Variants in XKR4 observed in about 807,000 individuals in gnomAD.
The protein encoded by XKR4 is XK related 4.
In XKR4, 12 loss-of-function variants were observed where a neutral mutation model predicts 53.9. That is an observed-to-expected ratio of 0.22 (90% CI 0.14 to 0.36). The LOEUF (loss-of-function observed/expected upper bound fraction) is 0.36. Ranked by LOEUF, XKR4 falls within the 10% of genes least tolerant of loss-of-function variation. The pLI is 1.00. For synonymous variants in XKR4, 354 were observed against 362.4 expected (o/e 0.98, Z 0.26); for missense variants, 799 against 859.5 (o/e 0.93, Z 0.88).
At chr8:55,353,180 C>T (rs1029916207) in intron 1 of XKR4, among the ~76,000 whole-genome samples, 21 of 152,166 alleles carry the variant, frequency 1.4e-4, no homozygotes, top group South Asian at 4.1e-4. Flanking sequence ...AGGGTTGAAT[C>T]GTGTCCTCCC....
chr8:55,382,725 G>A (rs1435599410), intron 2 of XKR4, among the ~76,000 whole-genome samples: 1 of 152,208 alleles, frequency 6.6e-6, no homozygotes. Context: ...ATATTCTGGA[G>A]AGTAGTTCCA....
intron 2 of XKR4, among the ~76,000 whole-genome samples, chr8:55,425,771 G>A (rs969089402): frequency 1.3e-5 from 2 of 152,100 alleles, no homozygotes; most frequent in African/African-American, 4.8e-5. Flanking sequence ...CCACTTCCTG[G>A]TGTGGGCCTC....
At chr8:55,130,275 G>T (rs573786616) in intron 1 of XKR4, among the ~76,000 whole-genome samples, 1 of 152,306 alleles carries the variant, frequency 6.6e-6, no homozygotes. Flanking sequence ...AAGAGAACAG[G>T]GAGAAGGGTT....
At position 55,485,387 on chromosome 8, in the gene XKR4, A is replaced by G. The variant is rs555176353; in HGVS notation, c.1007-37894A>G. 9.1e-4 allele frequency among the ~76,000 whole-genome samples: 139 copies of G among 152,358 alleles called. 2 individuals carry two copies. The highest frequency in any genetic ancestry group is 1.1e-3 in the Non-Finnish European group (75 of 68,036). On this transcript the variant is annotated intron_variant, in intron 2 of 2. Transcript: ENST00000327381. ...AGGAATATACAAAAACAAACAAAAA[A>G]CTAGAACTAAAAAGTTCAGCAAGCT...
chr8:55,281,874 A>G (rs532177312), intron 1 of XKR4, among the ~76,000 whole-genome samples: 2 of 151,630 alleles, frequency 1.3e-5, no homozygotes, highest in Non-Finnish European at 1.5e-5. Context: ...AACAATTCTG[A>G]ATTGCTCTTT....
intron 1 of XKR4, among the ~76,000 whole-genome samples, chr8:55,127,560 T>C (rs1816486324): frequency 8.8e-6 from 1 of 113,890 alleles, no homozygotes; most frequent in African/African-American, 2.7e-5. Flanking sequence ...GCCTGGTGCC[T>C]AACTCTTTTT....
At chr8:55,167,437 T>C (rs972765399) in intron 1 of XKR4, among the ~76,000 whole-genome samples, 1 of 152,140 alleles carries the variant, frequency 6.6e-6, no homozygotes, top group Admixed American at 6.5e-5. Context: ...TGCTCCAAGC[T>C]CTTTCCCCAT....
At chr8:55,146,813 G>A (rs1226738570) in intron 1 of XKR4, among the ~76,000 whole-genome samples, 1 of 152,162 alleles carries the variant, frequency 6.6e-6, no homozygotes, top group African/African-American at 2.4e-5. Flanking sequence ...ATGAAAGGTG[G>A]GACTGGCCCA....
At chr8:55,167,064 A>G (rs1040440924) in intron 1 of XKR4, among the ~76,000 whole-genome samples, 2 of 152,200 alleles carry the variant, frequency 1.3e-5, no homozygotes, top group African/African-American at 4.8e-5. Flanking sequence ...AATTCTGGAT[A>G]TATTCTGAAG....
At position 55,102,702 on chromosome 8, in the gene XKR4, G is replaced by A; in HGVS notation, c.214G>A (p.Gly72Ser). The change falls in exon 1 of 3, where the codon GGC (glycine) becomes AGC (serine). Residue 72 changes from glycine to serine, a missense_variant. By Grantham distance (56) the Gly-to-Ser change is moderately conservative. This residue lies in a region of XKR4 where 476 missense variants were observed against 505.4 expected (regional missense o/e 0.94). Transcript: ENST00000327381. The surrounding 1 kb of genome is among the most constrained non-coding windows in gnomAD (Gnocchi z 5.1). ...CTGCTGCTGCTGCTGCGCCGGGAGT[G>A]GCGGCTCCGCGGGCTCGGGCGGCTC... ...SRCCCCCAGS[G>S]GSAGSGGSGG... 1 of 1,160,238 alleles carries A rather than the reference G, an allele frequency of 8.6e-7. No homozygotes were observed. The highest frequency in any genetic ancestry group is 1.1e-6 in the Non-Finnish European group (1 of 938,390). The allele number at this position is 1,160,238 out of a possible 1,614,324, so 71.9% of individuals were successfully genotyped here. A position where few individuals can be genotyped will look rare whatever the true frequency, so the allele number is the denominator to read the frequency against.
intron 1 of XKR4, among the ~76,000 whole-genome samples, chr8:55,299,646 G>A (rs546697257): frequency 1.0e-3 from 156 of 152,056 alleles, no homozygotes; most frequent in Non-Finnish European, 1.9e-3. Flanking sequence ...AACATATTGG[G>A]ATAAATGTTG....
intron 2 of XKR4, among the ~76,000 whole-genome samples, chr8:55,481,369 T>C (rs961362317): frequency 4.6e-5 from 7 of 151,854 alleles, no homozygotes; most frequent in African/African-American, 1.5e-4. Flanking sequence ...CTGGATCCCT[T>C]CCTTACACCT....
chr8:55,519,838 C>T (rs1010200324), intron 2 of XKR4, among the ~76,000 whole-genome samples: 16 of 151,954 alleles, frequency 1.1e-4, no homozygotes, highest in African/African-American at 3.6e-4. Context: ...TGCATTTAAT[C>T]GCAAATGGGT....
At chr8:55,173,305 T>A (rs1049362328) in intron 1 of XKR4, among the ~76,000 whole-genome samples, 23 of 152,038 alleles carry the variant, frequency 1.5e-4, no homozygotes, top group Non-Finnish European at 2.5e-4. Flanking sequence ...TTTTTTTTTT[T>A]AATTATTGTT....
intron 1 of XKR4, among the ~76,000 whole-genome samples, chr8:55,133,983 A>T (rs946956553): frequency 1.3e-5 from 2 of 152,210 alleles, no homozygotes; most frequent in African/African-American, 4.8e-5. Flanking sequence ...CACAAATTCA[A>T]CTTTTTAGAT....
chr8:55,141,000 A>G (rs1004002152), intron 1 of XKR4, among the ~76,000 whole-genome samples: 2 of 152,180 alleles, frequency 1.3e-5, no homozygotes, highest in Non-Finnish European at 2.9e-5. Context: ...TCACCAATTT[A>G]AAGTGTACAT....
intron 1 of XKR4, among the ~76,000 whole-genome samples, chr8:55,326,763 A>G (rs1427371870): frequency 2.6e-5 from 4 of 151,706 alleles, no homozygotes; most frequent in Non-Finnish European, 5.9e-5. Context: ...GAGCCACCAC[A>G]TCCAGCCTAC....
intron 1 of XKR4, chr8:55,135,279 TAAATGGATTATAC>T (rs1225299631): frequency 1.7e-5 from 3 of 175,786 alleles, no homozygotes; most frequent in Non-Finnish European, 3.7e-5. Flanking sequence ...GATAACATAC[TAAATGGATTATAC>T]AAATCAATTG....
intron 1 of XKR4, among the ~76,000 whole-genome samples, chr8:55,180,293 G>A (rs1366495823): frequency 2.0e-5 from 3 of 152,182 alleles, no homozygotes; most frequent in Non-Finnish European, 2.9e-5. Flanking sequence ...TTACATGAAT[G>A]AGCATAAATT....
Sources: allele counts gnomAD v4.1 joint callset (sites outside exome capture counted in the v4.1 genomes callset), GRCh38; gene constraint gnomAD v4.1.1; regional missense constraint gnomAD v4.1.1; non-coding constraint Gnocchi (gnomAD v3.1); transcripts MANE v1.5; gene names NCBI Gene and HGNC (gene_info 2026-07-23, HGNC 2026-07-21).